NAALADL2: variants seen among roughly 807,000 people sequenced by gnomAD.
NAALADL2 encodes N-acetylated alpha-linked acidic dipeptidase like 2.
NAALADL2 carries 76 observed loss-of-function variants against 87.2 expected under a neutral mutation model. The ratio of observed to expected loss-of-function variants is 0.87; its 90% CI spans 0.72 to 1.05. The LOEUF is 1.05. Among genes scored for constraint, NAALADL2 ranks in the 50% least tolerant of loss-of-function variants. NAALADL2 has a pLI of 0.00. For missense variants in NAALADL2, 1,089 were observed against 945.8 expected, an observed-to-expected ratio of 1.15 and a Z score of -1.99; for synonymous variants, 354 against 331.0, an observed-to-expected ratio of 1.07 and a Z score of -0.75.
chr3:175,283,504 A>C (rs1754582715), intron 4 of NAALADL2, among the ~76,000 whole-genome samples: 1 of 152,126 alleles, frequency 6.6e-6, no homozygotes, highest in Non-Finnish European at 1.5e-5. Flanking sequence ...GAAACTAAAC[A>C]ATCCTACCAA....
intron 9 of NAALADL2, among the ~76,000 whole-genome samples, chr3:175,536,715 G>A (rs1582299959): frequency 6.6e-6 from 1 of 152,168 alleles, no homozygotes; most frequent in Non-Finnish European, 1.5e-5. Context: ...GGGTTTCACC[G>A]TGTTAGCCAG....
intron 1 of NAALADL2, among the ~76,000 whole-genome samples, chr3:175,069,219 C>A (rs954945049): frequency 6.7e-6 from 1 of 149,304 alleles, no homozygotes; most frequent in African/African-American, 2.6e-5. Context: ...TCAGAGTGAA[C>A]AGGCAACCTA....
At chr3:175,733,354 G>C (rs1412654619) in intron 11 of NAALADL2, among the ~76,000 whole-genome samples, 1 of 152,148 alleles carries the variant, frequency 6.6e-6, no homozygotes, top group Non-Finnish European at 1.5e-5. Context: ...ATCTTACGTG[G>C]TTGGTGGCAG....
At chr3:174,592,821 C>CT (rs1553794194) in intron 2 of NAALADL2, among the ~76,000 whole-genome samples, 18 of 148,278 alleles carry the variant, frequency 1.2e-4, no homozygotes, top group African/African-American at 2.0e-4. Flanking sequence ...CCTAGACCTA[C>CT]TTTTTTTTTT....
At chr3:175,445,647 T>C (rs1382809717) in intron 5 of NAALADL2, among the ~76,000 whole-genome samples, 1 of 152,226 alleles carries the variant, frequency 6.6e-6, no homozygotes, top group African/African-American at 2.4e-5. Context: ...ATTTTTGTGT[T>C]AAATCAACAG....
chr3:174,594,166 TGG>T lies in NAALADL2; in HGVS notation c.-115+43531_-115+43532del, dbSNP rs147857048. Among the ~76,000 whole-genome samples, 980 of 152,290 alleles carry T rather than the reference TGG, an allele frequency of 6.4e-3. 9 individuals are homozygous for T. Among genetic ancestry groups the T allele is most frequent in the Admixed American group, 0.013 (199 of 15,292 alleles). On this transcript the variant is annotated intron_variant, in intron 2 of 3. Coordinates refer to the NAALADL2 transcript ENST00000434257. ...CAAGTTTACTTTCATGAATAATACT[TGG>T]GCATAATAATTGCCAATATACTTTG...
intron 3 of NAALADL2, among the ~76,000 whole-genome samples, chr3:174,808,309 T>A (rs1232690000): frequency 2.0e-5 from 3 of 152,104 alleles, no homozygotes; most frequent in African/African-American, 7.2e-5. Context: ...ATTAAACACT[T>A]CTGCACAAAA....
At chr3:174,696,917 A>G (rs1729074720) in intron 2 of NAALADL2, among the ~76,000 whole-genome samples, 1 of 152,140 alleles carries the variant, frequency 6.6e-6, no homozygotes, top group Admixed American at 6.5e-5. Context: ...ATTCTGGTTC[A>G]ACAAGTGTAA....
intron 3 of NAALADL2, among the ~76,000 whole-genome samples, chr3:175,246,879 A>G (rs1296773102): frequency 6.6e-6 from 1 of 152,168 alleles, no homozygotes; most frequent in Non-Finnish European, 1.5e-5. Context: ...CTATCCTAAG[A>G]GTCTCACATT....
intron 9 of NAALADL2, among the ~76,000 whole-genome samples, chr3:175,502,158 G>A (rs1729634403): frequency 6.6e-6 from 1 of 152,012 alleles, no homozygotes; most frequent in African/African-American, 2.4e-5. Flanking sequence ...TAAATAGCTA[G>A]CTATGTGACT....
intron 10 of NAALADL2, among the ~76,000 whole-genome samples, chr3:175,577,295 G>A (rs1315837848): frequency 6.6e-6 from 1 of 152,152 alleles, no homozygotes; most frequent in Non-Finnish European, 1.5e-5. Flanking sequence ...TGCCTGTAGA[G>A]GGTTTAGCTA....
At chr3:175,256,725 T>C in intron 4 of NAALADL2, 195 bp downstream of exon 4, 1 of 409,870 alleles carries the variant, frequency 2.4e-6, no homozygotes, top group Non-Finnish European at 4.3e-6. Flanking sequence ...ATTTAAGATA[T>C]TTAAGAACAA....
intron 9 of NAALADL2, among the ~76,000 whole-genome samples, chr3:175,472,536 A>C (rs1335063857): frequency 6.6e-6 from 1 of 152,142 alleles, no homozygotes; most frequent in Non-Finnish European, 1.5e-5. Context: ...ATTGGAACCA[A>C]TCTTTCAGAT....
chr3:175,225,894 G>A (rs772559251), intron 2 of NAALADL2, among the ~76,000 whole-genome samples: 4 of 152,072 alleles, frequency 2.6e-5, no homozygotes, highest in Non-Finnish European at 5.9e-5. Flanking sequence ...GCACAAATGT[G>A]TGCAAGAGTG....
intron 2 of NAALADL2, among the ~76,000 whole-genome samples, chr3:174,730,583 A>T (rs1732607516): frequency 1.3e-5 from 2 of 152,134 alleles, no homozygotes; most frequent in African/African-American, 4.8e-5. Context: ...ACTAACGGAT[A>T]TTTTATTTTG....
chr3:174,752,320 G>T (rs529677044), intron 3 of NAALADL2, among the ~76,000 whole-genome samples: 180 of 152,148 alleles, frequency 1.2e-3, no homozygotes, highest in African/African-American at 4.2e-3. Flanking sequence ...AGACCATCTT[G>T]GACTGCTGCT....
chr3:174,894,645 C>CAAA (rs1731283013), intron 1 of NAALADL2, among the ~76,000 whole-genome samples: 1 of 74,970 alleles, frequency 1.3e-5, no homozygotes, highest in African/African-American at 5.2e-5. Flanking sequence ...AAAAAAAAAT[C>CAAA]AGTGAAGAAA....
At chr3:174,739,338 T>C (rs1253521234) in intron 3 of NAALADL2, among the ~76,000 whole-genome samples, 2 of 152,090 alleles carry the variant, frequency 1.3e-5, no homozygotes, top group Non-Finnish European at 2.9e-5. Flanking sequence ...GTCTAATGTT[T>C]TGGCTCAGTT....
At chr3:175,550,579 C>G (rs1370610145) in intron 9 of NAALADL2, among the ~76,000 whole-genome samples, 1 of 152,170 alleles carries the variant, frequency 6.6e-6, no homozygotes, top group African/African-American at 2.4e-5. Flanking sequence ...TCCCTTCTTA[C>G]AGGAAAGCGG....
Sources: gnomAD v4.1 joint callset for allele counts (sites outside exome capture counted in the v4.1 genomes callset) on GRCh38, gnomAD v4.1.1 for gene constraint, MANE v1.5 for transcripts, NCBI Gene and HGNC (gene_info 2026-07-23, HGNC 2026-07-21) for gene names.